Variants in BBX observed in about 807,000 individuals in gnomAD.
The protein encoded by BBX is BBX high mobility group box domain containing.
A neutral mutation model predicts 100.2 loss-of-function variants in BBX; 30 were observed. The observed-to-expected ratio is 0.30, with a 90% CI of 0.22 to 0.41. The LOEUF (loss-of-function observed/expected upper bound fraction) is 0.41. BBX is among the 10% of genes least tolerant of loss of function. BBX has a pLI of 1.00. For synonymous variants in BBX, 376 were observed against 388.1 expected (o/e 0.97, Z 0.37); for missense variants, 1,023 against 1,129.8 (o/e 0.91, Z 1.35).
rs1032967256 is a variant in BBX, at chr3:107,801,429, G to T, written c.2738+148G>T. 2.4e-5 allele frequency: 19 copies of T among 807,534 alleles called. No homozygotes were observed. In the Admixed American group the frequency reaches 3.8e-4, roughly 16 times the overall value. The allele number at this position is 807,534 out of a possible 1,614,324, so 50.0% of individuals were successfully genotyped here. ...TATGAGGTATTACAAAAGCATATAT[G>T]CTAATTAGCAGTGCGGGAAAATACC... On this transcript the variant is annotated intron_variant, in intron 17 of 17. Transcript: ENST00000325805.
At chr3:107,709,363 T>C (rs1350976554) in intron 3 of BBX, among the ~76,000 whole-genome samples, 1 of 152,190 alleles carries the variant, frequency 6.6e-6, no homozygotes, top group Non-Finnish European at 1.5e-5. Context: ...TGAATCTTTA[T>C]ATTATGTGTT....
intron 2 of BBX, among the ~76,000 whole-genome samples, chr3:107,627,031 C>T (rs548042154): frequency 6.6e-6 from 1 of 152,286 alleles, no homozygotes; most frequent in Admixed American, 6.5e-5. Flanking sequence ...GTAGAAGCCA[C>T]AATGTCTTGA....
At chr3:107,795,366 AAGGCTGTCCTC>A (rs2069516165) in intron 15 of BBX, among the ~76,000 whole-genome samples, 1 of 152,154 alleles carries the variant, frequency 6.6e-6, no homozygotes, top group African/African-American at 2.4e-5. Flanking sequence ...GCTGATCCTG[AAGGCTGTCCTC>A]AGTCTAAACC....
intron 10 of BBX, among the ~76,000 whole-genome samples, chr3:107,767,464 A>G (rs2066488359): frequency 6.6e-6 from 1 of 152,160 alleles, no homozygotes; most frequent in Non-Finnish European, 1.5e-5. Flanking sequence ...GAAAAAACAG[A>G]TTGTAGGATA....
chr3:107,752,895 A>T (rs562096505), intron 9 of BBX, among the ~76,000 whole-genome samples: 1 of 152,338 alleles, frequency 6.6e-6, no homozygotes, highest in African/African-American at 2.4e-5. Context: ...GATGTTAACT[A>T]TATTGTTCGT....
chr3:107,646,431 A>G (rs1440441081), intron 3 of BBX, among the ~76,000 whole-genome samples: 5 of 152,206 alleles, frequency 3.3e-5, no homozygotes, highest in African/African-American at 1.2e-4. Context: ...AAATATATAC[A>G]TGTGCCAAAT....
intron 2 of BBX, chr3:107,641,845 C>T (rs1259575562): frequency 1.3e-5 from 2 of 152,180 alleles, no homozygotes; most frequent in African/African-American, 2.4e-5. Context: ...GTTTAAGCTT[C>T]AACTGTAAAA....
intron 8 of BBX, 90 bp from the exon 9 acceptor site, chr3:107,747,875 A>G: frequency 2.0e-6 from 2 of 1,020,000 alleles, no homozygotes; most frequent in South Asian, 1.5e-5. Flanking sequence ...AATCTTTATC[A>G]GTGTCTACAG....
At chr3:107,734,817 C>T (rs987007200) in intron 7 of BBX, among the ~76,000 whole-genome samples, 1 of 152,078 alleles carries the variant, frequency 6.6e-6, no homozygotes, top group South Asian at 2.1e-4. Flanking sequence ...TTCTCCTACT[C>T]CTTCTTAAGA....
At chr3:107,609,924 C>A (rs1018681724) in intron 2 of BBX, among the ~76,000 whole-genome samples, 1 of 151,722 alleles carries the variant, frequency 6.6e-6, no homozygotes, top group East Asian at 1.9e-4. Context: ...TTGGTTTGCC[C>A]TTACTTTTCT....
intron 2 of BBX, among the ~76,000 whole-genome samples, chr3:107,545,921 T>C (rs34325261): frequency 1.3e-3 from 204 of 152,328 alleles, no homozygotes; most frequent in Middle Eastern, 3.4e-3. Context: ...CTCTTACTAA[T>C]CCTCCTCACA....
chr3:107,562,230 G>A (rs1032766001), intron 2 of BBX, among the ~76,000 whole-genome samples: 3 of 152,122 alleles, frequency 2.0e-5, no homozygotes, highest in Admixed American at 6.5e-5. Flanking sequence ...CCTTATGAGC[G>A]TGAACCCATA....
At chr3:107,537,247 A>G (rs1480515236) in intron 2 of BBX, among the ~76,000 whole-genome samples, 2 of 152,240 alleles carry the variant, frequency 1.3e-5, no homozygotes, top group East Asian at 1.9e-4. Flanking sequence ...TGTAAAGACA[A>G]CATGACTGAT....
intron 16 of BBX, among the ~76,000 whole-genome samples, chr3:107,799,821 A>C (rs565191605): frequency 6.6e-6 from 1 of 152,298 alleles, no homozygotes; most frequent in East Asian, 1.9e-4. Flanking sequence ...TGGCAGTAGA[A>C]TGACCGGAGG....
At chr3:107,641,087 C>CTTTTTTTTTT (rs11403529) in intron 2 of BBX, among the ~76,000 whole-genome samples, 2 of 139,444 alleles carry the variant, frequency 1.4e-5, no homozygotes, top group African/African-American at 2.6e-5. Flanking sequence ...TCTTTTCTTT[C>CTTTTTTTTTT]TTTTTTTTTT....
chr3:107,712,201 A>G (rs762659275), intron 4 of BBX, among the ~76,000 whole-genome samples: 1 of 151,586 alleles, frequency 6.6e-6, no homozygotes, highest in Non-Finnish European at 1.5e-5. Context: ...TACCTTCCCC[A>G]CTGTTCCTTC....
chr3:107,749,376 T>A (rs1174824074), intron 9 of BBX, among the ~76,000 whole-genome samples: 1 of 152,238 alleles, frequency 6.6e-6, no homozygotes, highest in African/African-American at 2.4e-5. Flanking sequence ...AATGTTGATG[T>A]CTGAGCCAGT....
At chr3:107,662,993 T>G (rs1438123831) in intron 3 of BBX, 4 of 152,230 alleles carry the variant, frequency 2.6e-5, no homozygotes, top group Non-Finnish European at 4.4e-5. Flanking sequence ...AGAATGTTTG[T>G]ATATACAGAA....
chr3:107,705,731 C>T (rs932881038), intron 3 of BBX, among the ~76,000 whole-genome samples: 2 of 152,118 alleles, frequency 1.3e-5, no homozygotes, highest in East Asian at 1.9e-4. Context: ...CAACAGTGAA[C>T]GAGAATCTTC....
Sources: gnomAD v4.1 joint callset for allele counts (sites outside exome capture counted in the v4.1 genomes callset) on GRCh38, gnomAD v4.1.1 for gene constraint, MANE v1.5 for transcripts, NCBI Gene and HGNC (gene_info 2026-07-23, HGNC 2026-07-21) for gene names.